The following POLN variants were observed in gnomAD, a reference collection of about 807,000 sequenced individuals.
POLN encodes DNA polymerase N.
Under a neutral mutation model 113.5 loss-of-function variants are expected in POLN, and 108 were observed. The ratio of observed to expected loss-of-function variants is 0.95; its 90% confidence interval spans 0.81 to 1.12. The LOEUF is 1.12. Among genes scored for constraint, POLN ranks in the 50% most tolerant of loss-of-function variants. The probability of loss-of-function intolerance (pLI) is 0.00; values close to 1 mark genes in which losing one functional copy is unlikely to be tolerated. For missense variants in POLN, 1,097 were observed against 1,077.1 expected, an observed-to-expected ratio of 1.02 and a Z score of -0.26; for synonymous variants, 386 against 391.5, an observed-to-expected ratio of 0.99 and a Z score of 0.17.
chr4:2,159,070 A>G, intron 14 of POLN, 85 bp downstream of exon 14: 1 of 1,044,446 alleles, frequency 9.6e-7, no homozygotes, highest in Non-Finnish European at 1.5e-6. Flanking sequence ...TACTTCAGCC[A>G]TTATGGATTT....
In POLN at chr4:2,075,494, GCTC is replaced by G. The variant is rs1699575346; in HGVS notation, c.2410_2412del (p.Glu804del). 6.2e-7 allele frequency: 1 copy of G among 1,613,412 alleles called. No homozygotes were observed. The highest frequency in any genetic ancestry group is 1.3e-5 in the African/African-American group (1 of 74,958). On this transcript the variant is annotated inframe_deletion, in exon 24 of 26. Transcript: ENST00000511885. ...TGCGGATCTTCCACTTCAAACAGCA[GCTC>G]ATCATGGATCTGGGCCACCAGCCTG...
intron 9 of POLN, among the ~76,000 whole-genome samples, chr4:2,175,330 A>G (rs569103184): frequency 3.5e-4 from 54 of 152,212 alleles, no homozygotes; most frequent in Non-Finnish European, 7.1e-4. Context: ...AAAAAAAGAA[A>G]TAAAAAGAAA....
intron 19 of POLN, among the ~76,000 whole-genome samples, chr4:2,120,903 G>A (rs2108718466): frequency 6.6e-6 from 1 of 152,296 alleles, no homozygotes; most frequent in South Asian, 2.1e-4. Flanking sequence ...TTTAGGTCTT[G>A]CAACCTTGGT....
At chr4:2,236,703 C>T (rs1308189118) in intron 2 of POLN, among the ~76,000 whole-genome samples, 1 of 149,854 alleles carries the variant, frequency 6.7e-6, no homozygotes, top group Non-Finnish European at 1.5e-5. Context: ...CACTAAAATA[C>T]AAAAAAAAAG....
intron 19 of POLN, among the ~76,000 whole-genome samples, chr4:2,119,964 T>C (rs752650322): frequency 7.2e-5 from 11 of 152,244 alleles, no homozygotes; most frequent in Non-Finnish European, 1.6e-4. Flanking sequence ...AATGTAGATA[T>C]GAACTTTTCA....
chr4:2,229,035 T>TA (rs1386989009), intron 3 of POLN, 64 bp downstream of exon 3: 1 of 1,465,982 alleles, frequency 6.8e-7, no homozygotes, highest in South Asian at 1.3e-5. Flanking sequence ...TTTCAATTCT[T>TA]AGTCTTTAGA....
chr4:2,138,576 G>A (rs1482962961), intron 16 of POLN, among the ~76,000 whole-genome samples: 4 of 152,214 alleles, frequency 2.6e-5, no homozygotes, highest in African/African-American at 9.6e-5. Flanking sequence ...CCACAGGGTA[G>A]CTCAGAGGAG....
chr4:2,205,874 CAAA>C (rs59182481), intron 5 of POLN, among the ~76,000 whole-genome samples: 4 of 82,026 alleles, frequency 4.9e-5, no homozygotes, highest in East Asian at 3.0e-4. Context: ...GACTCTGTCT[CAAA>C]AAAAAAAAAA....
intron 7 of POLN, among the ~76,000 whole-genome samples, chr4:2,185,957 C>G (rs1012984340): frequency 6.6e-6 from 1 of 152,172 alleles, no homozygotes; most frequent in Non-Finnish European, 1.5e-5. Context: ...CGGCTTCACT[C>G]TCCTTCACAG....
intron 20 of POLN, among the ~76,000 whole-genome samples, chr4:2,087,319 T>C (rs1457908371): frequency 6.6e-6 from 1 of 152,232 alleles, no homozygotes; most frequent in Non-Finnish European, 1.5e-5. Flanking sequence ...TGACTCTTTC[T>C]TTCTGTCAAA....
chr4:2,233,450 A>C (rs1734654294), intron 2 of POLN, among the ~76,000 whole-genome samples: 1 of 151,868 alleles, frequency 6.6e-6, no homozygotes, highest in South Asian at 2.1e-4. Flanking sequence ...TTTTTTTCAC[A>C]TTTTAACATA....
At chr4:2,216,736 T>C (rs1333262359) in intron 3 of POLN, among the ~76,000 whole-genome samples, 1 of 152,256 alleles carries the variant, frequency 6.6e-6, no homozygotes, top group Non-Finnish European at 1.5e-5. Flanking sequence ...GATGAATCAC[T>C]GTACCTTCTA....
At chr4:2,219,646 G>A (rs528859425) in intron 3 of POLN, among the ~76,000 whole-genome samples, 3 of 152,122 alleles carry the variant, frequency 2.0e-5, no homozygotes, top group South Asian at 4.2e-4. Flanking sequence ...TTATTGCTTC[G>A]GTAAATAGAG....
chr4:2,151,114 TTAATGA>T (rs1732285047), intron 16 of POLN, among the ~76,000 whole-genome samples: 1 of 152,142 alleles, frequency 6.6e-6, no homozygotes, highest in South Asian at 2.1e-4. Context: ...CTCTCAAAAC[TTAATGA>T]TAAGAAAATA....
rs1731592801 is a variant in POLN at position 2,126,809 on chromosome 4, G to A, written c.1982+1304C>T. On this transcript the variant is annotated intron_variant, in intron 19 of 25. Coordinates refer to ENST00000511885, the MANE Select transcript of POLN (RefSeq NM_181808.4). The surrounding 1 kb of genome is among the most constrained non-coding windows in gnomAD (Gnocchi z 4.6). ...GGCCAGAGTGAGGCGGGTAACTGGTGAGCTCAGGCCTAGCCAGGGCAGCTG... is the reference window on the plus strand; with the variant it reads ...GGCCAGAGTGAGGCGGGTAACTGGTAAGCTCAGGCCTAGCCAGGGCAGCTG... 6.6e-6 allele frequency among the ~76,000 whole-genome samples: 1 copy of A among 152,186 alleles called. No individual in the cohort carries two copies. The highest frequency in any genetic ancestry group is 6.5e-5 in the Admixed American group (1 of 15,286).
chr4:2,131,790 A>C (rs1056831916), intron 16 of POLN, among the ~76,000 whole-genome samples: 2 of 152,180 alleles, frequency 1.3e-5, no homozygotes, highest in Non-Finnish European at 2.9e-5. Flanking sequence ...CGTCCCCTGC[A>C]AACTCTTAGG....
At chr4:2,136,694 G>A (rs765999593) in intron 16 of POLN, among the ~76,000 whole-genome samples, 3 of 152,244 alleles carry the variant, frequency 2.0e-5, no homozygotes, top group Non-Finnish European at 4.4e-5. Context: ...GTTGCGCCCA[G>A]GAGGTACATG....
intron 5 of POLN, among the ~76,000 whole-genome samples, chr4:2,206,526 T>A (rs1364687236): frequency 6.6e-6 from 1 of 152,140 alleles, no homozygotes; most frequent in Non-Finnish European, 1.5e-5. Flanking sequence ...ATCCAGAATC[T>A]ACAATGACTC....
intron 2 of POLN, among the ~76,000 whole-genome samples, chr4:2,238,143 C>T (rs1734834026): frequency 6.6e-6 from 1 of 152,132 alleles, no homozygotes; most frequent in South Asian, 2.1e-4. Flanking sequence ...ATTGCTCAGA[C>T]ATCCAGATGA....
Sources: allele counts gnomAD v4.1 joint callset (sites outside exome capture counted in the v4.1 genomes callset), GRCh38; gene constraint gnomAD v4.1.1; non-coding constraint Gnocchi (gnomAD v3.1); transcripts MANE v1.5; gene names NCBI Gene and HGNC (gene_info 2026-07-23, HGNC 2026-07-21).